Variants in CCDC183 observed in about 807,000 individuals in gnomAD.
The protein encoded by CCDC183 is coiled-coil domain containing 183, also known as coiled-coil domain-containing protein 183.
In CCDC183, 63 loss-of-function variants were observed where a neutral mutation model predicts 65.2. That is an observed-to-expected ratio of 0.97 (90% CI 0.79 to 1.19). CCDC183 has a LOEUF of 1.19. Among genes scored for constraint, CCDC183 ranks in the 50% most tolerant of loss-of-function variants. The pLI is 0.00. For synonymous variants in CCDC183, 323 were observed against 276.5 expected (o/e 1.17, Z -1.67); for missense variants, 769 against 689.3 (o/e 1.12, Z -1.30).
chr9:136,799,921 G>A (rs987719686), intron 3 of CCDC183, 81 bp from the exon 4 acceptor site: 10 of 1,527,892 alleles, frequency 6.5e-6, no homozygotes, highest in Admixed American at 4.0e-5. Flanking sequence ...GTTGCCACGA[G>A]CCTCCACCCG....
At position 136,804,168 on chromosome 9, in the gene CCDC183, G is replaced by A. The variant is rs1847801140; in HGVS notation, c.667-334G>A. 1 of 294,508 alleles carries A rather than the reference G, an allele frequency of 3.4e-6. No individual in the cohort carries two copies. Among genetic ancestry groups the A allele is most frequent in the Non-Finnish European group, 6.6e-6 (1 of 151,074 alleles). 18.2% of individuals were successfully genotyped at this position (294,508 alleles called of 1,614,324 possible). A position where few individuals can be genotyped will look rare whatever the true frequency, so the allele number is the denominator to read the frequency against. On this transcript the variant is annotated intron_variant, in intron 6 of 13. Coordinates refer to ENST00000338005, the MANE Select transcript of CCDC183 (RefSeq NM_001039374.5). This position sits in a 1 kb window ranked among gnomAD's most constrained non-coding sequence, Gnocchi z 4.1. The stretch of plus-strand genomic sequence containing the variant: ...GCTGCCCAAGGGCACGCTGGAAGAG[G>A]CCAGGTTTTGGGGAAGAGGATGAAT...
chr9:136,800,198 C>G (rs1438217936), intron 4 of CCDC183, 29 bp downstream of exon 4: 3 of 451,184 alleles, frequency 6.6e-6, no homozygotes, highest in Non-Finnish European at 1.0e-5. Flanking sequence ...GAGGGCGGGG[C>G]GGAGTCCACT....
At position 136,804,455 on chromosome 9, in the gene CCDC183, C is replaced by T; in HGVS notation, c.667-47C>T. 6.3e-7 allele frequency: 1 copy of T among 1,590,802 alleles called. No individual in the cohort carries two copies. Among genetic ancestry groups the T allele is most frequent in the South Asian group, 1.1e-5 (1 of 88,916 alleles). On this transcript the variant is annotated intron_variant, in intron 6 of 13. Transcript: ENST00000338005. The surrounding 1 kb of genome is among the most constrained non-coding windows in gnomAD (Gnocchi z 4.1). ...CGCTGGCTTTACTGCCATTAGGGGCCTTGTTGAGACAGCTCCCCAACCCTG... is the reference window on the plus strand; with the variant it reads ...CGCTGGCTTTACTGCCATTAGGGGCTTTGTTGAGACAGCTCCCCAACCCTG...
In CCDC183 at chr9:136,799,809, C is replaced by T. The variant is rs377672630; in HGVS notation, c.270+19C>T. ...CATGGAGGTAACCAGGCAGGAGGGG[C>T]CTCGAGACCCAACCCTCCCCACCCC... On this transcript the variant is annotated intron_variant, in intron 3 of 13. Transcript: ENST00000338005. 83 of 1,606,662 alleles carry T rather than the reference C, an allele frequency of 5.2e-5. No individual in the cohort carries two copies. The highest frequency in any genetic ancestry group is 7.0e-5 in the Non-Finnish European group (82 of 1,174,990).
chr9:136,801,396 A>G (rs946716160), intron 5 of CCDC183, among the ~76,000 whole-genome samples: 1 of 151,156 alleles, frequency 6.6e-6, no homozygotes, highest in Admixed American at 6.6e-5. Context: ...TGTTTAGAAC[A>G]TACACACTTA....
intron 3 of CCDC183, 57 bp from the exon 4 acceptor site, chr9:136,799,945 G>T (rs1202967605): frequency 1.3e-6 from 2 of 1,543,938 alleles, no homozygotes; most frequent in African/African-American, 1.4e-5. Context: ...GCCTGCTGGC[G>T]GGCTCCATGG....
rs1847816424 is a variant in CCDC183 at position 136,804,944 on chromosome 9, C to T, written c.847+128C>T. The T allele has an allele frequency of 5.2e-6, 4 of 767,946 alleles. No homozygotes were observed. The highest frequency in any genetic ancestry group is 5.0e-5 in the South Asian group (3 of 59,668). 47.6% of individuals were successfully genotyped at this position (767,946 alleles called of 1,614,324 possible). ...GTGGTCGCCAGGGTGAAGGGAAGGA[C>T]AGGTCCCTGCCTCTCCCTCCAGAGG... is the stretch of plus-strand genomic sequence containing the variant. On this transcript the variant is annotated intron_variant, in intron 8 of 13. Coordinates refer to ENST00000338005, the MANE Select transcript of CCDC183 (RefSeq NM_001039374.5). The surrounding 1 kb of genome is among the most constrained non-coding windows in gnomAD (Gnocchi z 4.1).
intron 1 of CCDC183, among the ~76,000 whole-genome samples, chr9:136,797,199 C>G (rs112379554): frequency 1.4e-4 from 21 of 152,328 alleles, no homozygotes; most frequent in African/African-American, 5.1e-4. Flanking sequence ...ATCTGGCCTA[C>G]GTGCACATCT....
In CCDC183 at chr9:136,796,479, C is replaced by G; in HGVS notation, c.70+12C>G. 6.4e-7 allele frequency: 1 copy of G among 1,553,610 alleles called. No homozygotes were observed. Among genetic ancestry groups the G allele is most frequent in the Non-Finnish European group, 8.7e-7 (1 of 1,145,900 alleles). ...CACTCAGCTCCAGGGTGAGCCTGCA[C>G]CGCCGTGACCAGTCTCCCTTTCCCG... On this transcript the variant is annotated intron_variant, in intron 1 of 13. Coordinates refer to ENST00000338005, the MANE Select transcript of CCDC183 (RefSeq NM_001039374.5).
intron 6 of CCDC183, among the ~76,000 whole-genome samples, chr9:136,803,387 C>T (rs889643355): frequency 1.3e-5 from 2 of 152,210 alleles, no homozygotes; most frequent in Admixed American, 1.3e-4. Context: ...GTGGCCAGCC[C>T]GGCCAGCCTG....
intron 5 of CCDC183, 98 bp from the exon 6 acceptor site, chr9:136,802,566 A>G: frequency 6.7e-7 from 1 of 1,499,644 alleles, no homozygotes; most frequent in South Asian, 1.3e-5. Context: ...ACAGAGGAGA[A>G]CCTATCACTG....
chr9:136,800,282 A>C, intron 4 of CCDC183, 107 bp from the exon 5 acceptor site: 1 of 1,303,784 alleles, frequency 7.7e-7, no homozygotes, highest in Non-Finnish European at 1.0e-6. Context: ...GGCTCACGGG[A>C]GGGGCGGGGC....
chr9:136,796,530 T>C lies in CCDC183; in HGVS notation c.70+63T>C, dbSNP rs767987427. ...TCTGGGGGTTTCTGGGTGCACAACTTTTTGTGGGGAAAAGAGAGATCAGAT... is the reference window on the plus strand; with the variant it reads ...TCTGGGGGTTTCTGGGTGCACAACTCTTTGTGGGGAAAAGAGAGATCAGAT... On this transcript the variant is annotated intron_variant, in intron 1 of 13. Transcript: ENST00000338005. 6 of 1,135,336 alleles carry C rather than the reference T, an allele frequency of 5.3e-6. No homozygotes were observed. In the African/African-American group the frequency reaches 7.6e-5, roughly 14 times the overall value. 70.3% of individuals were successfully genotyped at this position (1,135,336 alleles called of 1,614,324 possible).
Position 136,806,080 on chromosome 9 carries a change from C to T in CCDC183, c.951C>T (p.Asp317=), listed in dbSNP as rs1330190453. 1 of 1,549,702 alleles carries T rather than the reference C, an allele frequency of 6.5e-7. No individual in the cohort carries two copies. The highest frequency in any genetic ancestry group is 2.4e-5 in the East Asian group (1 of 40,936). ...TCTCTCTCCCCCGGACTGGCCAGGACATCACTAGCCGCTTCCTGGCCCAGA... is the reference window on the plus strand; with the variant it reads ...TCTCTCTCCCCCGGACTGGCCAGGATATCACTAGCCGCTTCCTGGCCCAGA... The part of the protein sequence containing the change: ...KSAVRCSHVW[D]ITSRFLAQRN... The change falls in exon 10 of 14, where the codon GAC becomes GAT. Residue 317 remains aspartate (D), a splice_region_variant and synonymous_variant. Coordinates refer to ENST00000338005, the MANE Select transcript of CCDC183 (RefSeq NM_001039374.5).
At chr9:136,800,739 T>C (rs921672286) in intron 5 of CCDC183, 1 of 503,370 alleles carries the variant, frequency 2.0e-6, no homozygotes, top group Non-Finnish European at 3.6e-6. Context: ...AATGATTTGG[T>C]ATTGTTTGTA....
At position 136,803,274 on chromosome 9, in the gene CCDC183, CCCAGGGCTGGGG is replaced by C. The variant is rs1847777202; in HGVS notation, c.666+491_666+502del. On this transcript the variant is annotated intron_variant, in intron 6 of 13. Transcript: ENST00000338005. Reference sequence around the variant, plus strand: ...GGATGGGGTCAAGGTGAGCTCAGGGCCCAGGGCTGGGGCCCCCCAGGGCGGGCTCTCTTGTGT... The same window carrying C: ...GGATGGGGTCAAGGTGAGCTCAGGGCCCCCCCAGGGCGGGCTCTCTTGTGT... 4.2e-5 allele frequency among the ~76,000 whole-genome samples: 4 copies of C among 94,544 alleles called. 1 individual carries two copies. Among genetic ancestry groups the C allele is most frequent in the South Asian group, 6.8e-4 (2 of 2,956 alleles). 62.0% of individuals were successfully genotyped at this position (94,544 alleles called of 152,430 possible).
rs536696903 is a variant in CCDC183, at chr9:136,799,727, C to T, written c.207C>T (p.Thr69=). ...WALAKKYDQW[T]ISKACGKNLP... ...CCGCTCCGCAGTATGACCAGTGGAC[C>T]ATCTCCAAGGCCTGCGGGAAAAACT... Residue 69 remains threonine, a synonymous_variant, in exon 3 of 14, where the codon ACC becomes ACT. Coordinates refer to ENST00000338005, the MANE Select transcript of CCDC183 (RefSeq NM_001039374.5). The T allele has an allele frequency of 6.2e-7, 1 of 1,613,044 alleles. No individual in the cohort carries two copies. The highest frequency in any genetic ancestry group is 1.7e-5 in the Admixed American group (1 of 60,022).
chr9:136,804,451 G>A lies in CCDC183; in HGVS notation c.667-51G>A. On this transcript the variant is annotated intron_variant, in intron 6 of 13. Transcript: ENST00000338005. This position sits in a 1 kb window ranked among gnomAD's most constrained non-coding sequence, Gnocchi z 4.1. The stretch of plus-strand genomic sequence containing the variant: ...CGCCCGCTGGCTTTACTGCCATTAG[G>A]GGCCTTGTTGAGACAGCTCCCCAAC... 6.3e-7 allele frequency: 1 copy of A among 1,584,882 alleles called. No individual in the cohort carries two copies. The highest frequency in any genetic ancestry group is 2.3e-5 in the East Asian group (1 of 43,728).
intron 8 of CCDC183, 58 bp from the exon 9 acceptor site, chr9:136,805,299 A>G: frequency 7.0e-7 from 1 of 1,433,964 alleles, no homozygotes. Flanking sequence ...TGACAGCCTT[A>G]CACAGAGCCC....
Sources: gnomAD v4.1 joint callset for allele counts (sites outside exome capture counted in the v4.1 genomes callset) on GRCh38, gnomAD v4.1.1 for gene constraint, Gnocchi (gnomAD v3.1) non-coding constraint, MANE v1.5 for transcripts, NCBI Gene and HGNC (gene_info 2026-07-23, HGNC 2026-07-21) for gene names.